Variants in LRRC39 observed in about 807,000 individuals in gnomAD.
LRRC39 encodes the protein leucine rich repeat containing 39, also known as leucine-rich repeat-containing protein 39.
Under a neutral mutation model 39.7 loss-of-function variants are expected in LRRC39, and 35 were observed. The observed-to-expected ratio is 0.88, with a 90% CI of 0.67 to 1.17. The LOEUF (loss-of-function observed/expected upper bound fraction) is 1.17. Ranked by LOEUF, LRRC39 falls within the 50% of genes most tolerant of loss-of-function variation. LRRC39 has a pLI of 0.00. For missense variants in LRRC39, 357 were observed against 385.8 expected (o/e 0.93, Z 0.62); for synonymous variants, 113 against 134.1 (o/e 0.84, Z 1.09).
chr1:100,170,531 T>C (rs1173969544), intron 2 of LRRC39, among the ~76,000 whole-genome samples: 2 of 152,144 alleles, frequency 1.3e-5, no homozygotes, highest in Non-Finnish European at 2.9e-5. Context: ...GTTTTTTGAG[T>C]GATGAAAATG....
chr1:100,174,202 T>C (rs563580197), intron 1 of LRRC39, among the ~76,000 whole-genome samples: 2 of 152,324 alleles, frequency 1.3e-5, no homozygotes, highest in African/African-American at 4.8e-5. Flanking sequence ...TGGTACTAGA[T>C]AATGTTATTG....
In LRRC39 at chr1:100,162,045, C is replaced by T. The variant is rs1658916842; in HGVS notation, c.114-1474G>A. ...TATCAAGGTTCTGATTTATTCACAT[C>T]CTCACCAATATTTGCTATTGTCCCT... On this transcript the variant is annotated intron_variant, in intron 3 of 9. Transcript: ENST00000370137. Among the ~76,000 whole-genome samples the T allele has an allele frequency of 2.0e-5, 3 of 152,174 alleles. No individual in the cohort carries two copies. In the South Asian group the frequency reaches 6.2e-4, roughly 31 times the overall value.
At chr1:100,168,363 A>C (rs755720647) in intron 3 of LRRC39, 41 bp downstream of exon 3, 4 of 1,419,118 alleles carry the variant, frequency 2.8e-6, no homozygotes, top group Non-Finnish European at 3.9e-6. Context: ...TGATAATATG[A>C]ATTTTCACTA....
intron 1 of LRRC39, among the ~76,000 whole-genome samples, chr1:100,174,592 C>A (rs1273046405): frequency 6.6e-6 from 1 of 152,118 alleles, no homozygotes; most frequent in East Asian, 1.9e-4. Context: ...AGCCACCACA[C>A]CTGGCCATGG....
intron 6 of LRRC39, among the ~76,000 whole-genome samples, chr1:100,157,220 G>T (rs550275505): frequency 6.6e-6 from 1 of 152,258 alleles, no homozygotes; most frequent in South Asian, 2.1e-4. Context: ...TGTGTTGTGG[G>T]AGGGACCTGG....
chr1:100,152,442 C>G lies in LRRC39; in HGVS notation c.895G>C (p.Glu299Gln). Residue 299 changes from glutamate to glutamine, a missense_variant, in exon 9 of 10, where the codon GAA becomes CAA. Glu to Gln is a conservative substitution (Grantham distance 29). Coordinates refer to ENST00000370137, the MANE Select transcript of LRRC39 (RefSeq NM_144620.4). ...TGCATAAACTGAAGGCCAAATAATT[C>G]CCGTTCCTCTTCTTCATCTGTGCCT... ...SEGTDEEEERELFGLQFMHTY... is the reference protein window; with the variant it reads ...SEGTDEEEERQLFGLQFMHTY... The G allele has an allele frequency of 6.2e-7, 1 of 1,613,318 alleles. No homozygotes were observed. Among genetic ancestry groups the G allele is most frequent in the South Asian group, 1.1e-5 (1 of 91,080 alleles).
At chr1:100,165,873 CTTTTTTT>C (rs370682819) in intron 3 of LRRC39, among the ~76,000 whole-genome samples, 7 of 126,710 alleles carry the variant, frequency 5.5e-5, no homozygotes, top group Middle Eastern at 3.8e-3. Flanking sequence ...TTTCCCCTTT[CTTTTTTT>C]TTTTTTTTTT....
chr1:100,175,139 C>T lies in LRRC39; in HGVS notation c.-118-1769G>A, dbSNP rs559230828. 2.0e-5 allele frequency among the ~76,000 whole-genome samples: 3 copies of T among 151,924 alleles called. No individual in the cohort carries two copies. The South Asian group carries it at 6.2e-4, about 32-fold the overall frequency. On this transcript the variant is annotated intron_variant, in intron 1 of 9. Coordinates refer to ENST00000370137, the MANE Select transcript of LRRC39 (RefSeq NM_144620.4). ...CTGCAGAACCGTGAGCCAGTTAAAC[C>T]TCTTTTCTTTGTAATTTACCCAGTT...
intron 3 of LRRC39, among the ~76,000 whole-genome samples, chr1:100,163,063 A>T (rs1658997884): frequency 6.6e-6 from 1 of 152,244 alleles, no homozygotes; most frequent in South Asian, 2.1e-4. Flanking sequence ...GCCCTGTGGC[A>T]GTGGGATATG....
chr1:100,171,771 C>T (rs1659627735), intron 2 of LRRC39, among the ~76,000 whole-genome samples: 2 of 151,282 alleles, frequency 1.3e-5, no homozygotes, highest in Non-Finnish European at 2.9e-5. Flanking sequence ...TCCCAAAGTG[C>T]TGAGATTACA....
At chr1:100,179,166 G>C (rs1660137056), upstream of LRRC39, among the ~76,000 whole-genome samples, 1 of 152,020 alleles carries the variant, frequency 6.6e-6, no homozygotes, top group Non-Finnish European at 1.5e-5. Context: ...TAGTCATTTG[G>C]ACATCTCAGC....
chr1:100,164,456 C>T (rs1036883698), intron 3 of LRRC39, among the ~76,000 whole-genome samples: 2 of 152,128 alleles, frequency 1.3e-5, no homozygotes, highest in African/African-American at 2.4e-5. Context: ...ACTTACTAAC[C>T]CAGAAGCTAT....
chr1:100,164,019 G>C (rs543021968), intron 3 of LRRC39, among the ~76,000 whole-genome samples: 5 of 152,234 alleles, frequency 3.3e-5, no homozygotes, highest in Non-Finnish European at 5.9e-5. Context: ...GTTGCAGTGA[G>C]CCAAGATTGC....
chr1:100,168,266 T>C, intron 3 of LRRC39, 138 bp downstream of exon 3: 2 of 683,414 alleles, frequency 2.9e-6, no homozygotes, highest in East Asian at 5.6e-5. Flanking sequence ...TCAGCTGTTT[T>C]CTTTAAGTAT....
chr1:100,163,528 G>T (rs1252205261), intron 3 of LRRC39, among the ~76,000 whole-genome samples: 1 of 150,718 alleles, frequency 6.6e-6, no homozygotes, highest in South Asian at 2.1e-4. Context: ...AAAATGTGAG[G>T]TTATAATTAA....
rs773863061 is a variant in LRRC39 at position 100,158,340 on chromosome 1, A to G, written c.404T>C (p.Ile135Thr). Residue 135 changes from isoleucine (I) to threonine (T), a missense_variant, in exon 6 of 10, where the codon ATT becomes ACT. Ile to Thr is a moderately conservative substitution (Grantham distance 89). Coordinates refer to ENST00000370137, the MANE Select transcript of LRRC39 (RefSeq NM_144620.4). ...AGTCTTGATTTTGTTGTAGCTGAGAATCAGTTCCTGAAGTCTAGTAAGCAG... is the reference window on the plus strand; with the variant it reads ...AGTCTTGATTTTGTTGTAGCTGAGAGTCAGTTCCTGAAGTCTAGTAAGCAG... ...IGLLTRLQEL[I>T]LSYNKIKTVP... 1.9e-6 allele frequency: 3 copies of G among 1,613,892 alleles called. No homozygotes were observed. Among genetic ancestry groups the G allele is most frequent in the Non-Finnish European group, 2.5e-6 (3 of 1,179,794 alleles).
intron 1 of LRRC39, among the ~76,000 whole-genome samples, chr1:100,177,705 C>A (rs1660055086): frequency 6.6e-6 from 1 of 151,544 alleles, no homozygotes; most frequent in African/African-American, 2.4e-5. Flanking sequence ...TAAAACAATT[C>A]ATCCATTTGC....
rs12030433 is a variant in LRRC39 at position 100,166,364 on chromosome 1, T to C, written c.113+2040A>G. On this transcript the variant is annotated intron_variant, in intron 3 of 9. Coordinates refer to ENST00000370137, the MANE Select transcript of LRRC39 (RefSeq NM_144620.4). ...GATGGCTCAGAAGAAGAAAAGAAAATGTGGGAAAGTTTGGAACTTCCTAGA... is the reference window on the plus strand; with the variant it reads ...GATGGCTCAGAAGAAGAAAAGAAAACGTGGGAAAGTTTGGAACTTCCTAGA... Among the ~76,000 whole-genome samples, 318 of 152,092 alleles carry C rather than the reference T, an allele frequency of 2.1e-3. 3 individuals carry two copies. The East Asian group carries it at 0.035, about 17-fold the overall frequency.
chr1:100,168,303 C>T, intron 3 of LRRC39, 101 bp downstream of exon 3: 1 of 869,766 alleles, frequency 1.1e-6, no homozygotes, highest in East Asian at 2.8e-5. Context: ...AAATAAAATT[C>T]TATATCAAAT....
Sources: gnomAD v4.1 joint callset for allele counts (sites outside exome capture counted in the v4.1 genomes callset) on GRCh38, gnomAD v4.1.1 for gene constraint, MANE v1.5 for transcripts, NCBI Gene and HGNC (gene_info 2026-07-23, HGNC 2026-07-21) for gene names.